RAB13: variants seen among roughly 807,000 people sequenced by gnomAD.
The protein encoded by RAB13 is ras-related protein Rab-13.
Under a neutral mutation model 29.3 loss-of-function variants are expected in RAB13, and 15 were observed. The observed-to-expected ratio is 0.51, with a 90% CI of 0.34 to 0.79. The LOEUF is 0.79. Among genes scored for constraint, RAB13 ranks in the 30% least tolerant of loss-of-function variants. RAB13 has a pLI of 0.01. For synonymous variants in RAB13, 82 were observed against 93.8 expected (o/e 0.87, Z 0.73); for missense variants, 186 against 255.5 (o/e 0.73, Z 1.85).
At position 153,983,511 on chromosome 1, in the gene RAB13, C is replaced by A. The variant is rs762679129; in HGVS notation, c.246+10G>T. ...ATCCTTCATCCTTTGTTCAGACCCA[C>A]ACTTCATACCATGGCTCCACGGTAG... On this transcript the variant is annotated intron_variant, in intron 3 of 7. Transcript: ENST00000368575. 6.3e-7 allele frequency: 1 copy of A among 1,597,856 alleles called. No homozygotes were observed. The highest frequency in any genetic ancestry group is 1.1e-5 in the South Asian group (1 of 90,738).
Position 153,984,725 on chromosome 1 carries a change from C to T in RAB13, c.181G>A (p.Val61Ile), listed in dbSNP as rs147858556. The change falls in exon 2 of 8, where the codon GTC becomes ATC. Residue 61 changes from valine (V) to isoleucine (I), a missense_variant. Val to Ile is a conservative substitution (Grantham distance 29). Transcript: ENST00000368575. ...DIEGKKIKLQ[V>I]WDTAGQERFK... Reference sequence around the variant, plus strand: ...CATCCCAGAGGACTGACTTACCAGACTTGTAGTTTGATCTTCTTCCCCTCT... The same window carrying T: ...CATCCCAGAGGACTGACTTACCAGATTTGTAGTTTGATCTTCTTCCCCTCT... 1.6e-5 allele frequency: 26 copies of T among 1,613,202 alleles called. No individual in the cohort carries two copies. The African/African-American group carries it at 3.3e-4, about 21-fold the overall frequency.
At chr1:153,984,177 C>CAA (rs751964337) in intron 2 of RAB13, among the ~76,000 whole-genome samples, 103 of 73,714 alleles carry the variant, frequency 1.4e-3, no homozygotes, top group Middle Eastern at 6.4e-3. Context: ...AACTCTGTCT[C>CAA]AAAAAAAAAA....
upstream of RAB13, among the ~76,000 whole-genome samples, chr1:153,989,310 C>T (rs1261148045): frequency 6.7e-6 from 1 of 148,732 alleles, no homozygotes; most frequent in East Asian, 2.0e-4. Flanking sequence ...AGTGCAGCGG[C>T]GCGATCTCCG....
chr1:153,989,242 T>G (rs544144913), upstream of RAB13, among the ~76,000 whole-genome samples: 43 of 136,630 alleles, frequency 3.1e-4, no homozygotes, highest in African/African-American at 9.2e-4. Context: ...AAGAAAAAAT[T>G]ATTATTATTA....
chr1:153,982,564 T>C lies in RAB13; in HGVS notation c.451A>G (p.Ser151Gly). Residue 151 changes from serine (S) to glycine (G), a missense_variant, in exon 6 of 8, where the codon AGT (serine) becomes GGT (glycine). Ser to Gly is a moderately conservative substitution (Grantham distance 56). Transcript: ENST00000368575. ...TCCACATTCATACTGGATTTAGCAC[T>C]AGTTTCGAAAAATCGGATTCCATGC... ...REHGIRFFET[S>G]AKSSMNVDEA... 3 of 1,613,804 alleles carry C rather than the reference T, an allele frequency of 1.9e-6. No individual in the cohort carries two copies. Among genetic ancestry groups the C allele is most frequent in the South Asian group, 1.1e-5 (1 of 91,066 alleles).
In RAB13 at chr1:153,982,158, G is replaced by T; in HGVS notation, c.553C>A (p.Pro185Thr). 6.2e-7 allele frequency: 1 copy of T among 1,614,046 alleles called. No homozygotes were observed. The highest frequency in any genetic ancestry group is 8.5e-7 in the Non-Finnish European group (1 of 1,180,004). Residue 185 changes from proline to threonine, a missense_variant, in exon 8 of 8, where the codon CCC (proline) becomes ACC (threonine). Physicochemically the swap from Pro to Thr is conservative, Grantham distance 38 (BLOSUM62 -1). Coordinates refer to ENST00000368575, the MANE Select transcript of RAB13 (RefSeq NM_002870.5). The part of the protein sequence containing the change: ...GRRSGNGNKP[P>T]STDLKTCDKK... ...TCACAAGTTTTCAGGTCAGTACTGG[G>T]AGGCTTGTTGCCGTTTCCCTAGAGG...
In RAB13 at chr1:153,982,377, C is replaced by A. The variant is rs1355717768; in HGVS notation, c.534+14G>T. 1 of 1,609,074 alleles carries A rather than the reference C, an allele frequency of 6.2e-7. No homozygotes were observed. Among genetic ancestry groups the A allele is most frequent in the Non-Finnish European group, 8.5e-7 (1 of 1,175,980 alleles). ...CACCCCAGAGTTGTACCTAGTCCAG[C>A]AAAACCAACTTACTGATCTCCGGCC... On this transcript the variant is annotated intron_variant, in intron 7 of 7. Coordinates refer to ENST00000368575, the MANE Select transcript of RAB13 (RefSeq NM_002870.5).
upstream of RAB13, among the ~76,000 whole-genome samples, chr1:153,986,568 C>A (rs1295072604): frequency 1.3e-5 from 2 of 152,116 alleles, no homozygotes; most frequent in Admixed American, 1.3e-4. Flanking sequence ...CATTCTGAGG[C>A]CAGAGAGGCT....
upstream of RAB13, chr1:153,986,349 T>C: frequency 1.2e-6 from 1 of 846,412 alleles, no homozygotes; most frequent in Non-Finnish European, 1.8e-6. Context: ...GAAGTTTTCC[T>C]CCCTCTCCGC....
chr1:153,982,340 T>A, intron 7 of RAB13, 51 bp downstream of exon 7: 31 of 1,369,916 alleles, frequency 2.3e-5, no homozygotes, highest in African/African-American at 5.2e-5. Context: ...CACACATACA[T>A]ACACACACAC....
chr1:153,982,300 C>A, intron 7 of RAB13, 91 bp downstream of exon 7: 1 of 1,456,918 alleles, frequency 6.9e-7, no homozygotes, highest in Non-Finnish European at 9.5e-7. Context: ...TTTATCAACA[C>A]CAACACACAC....
chr1:153,983,673 A>G, intron 2 of RAB13, 92 bp from the exon 3 acceptor site: 1 of 1,148,502 alleles, frequency 8.7e-7, no homozygotes, highest in Non-Finnish European at 1.3e-6. Flanking sequence ...TAGCTTTTGT[A>G]ACATGGTGGG....
At chr1:153,989,170 G>C (rs1649274821), upstream of RAB13, among the ~76,000 whole-genome samples, 2 of 142,210 alleles carry the variant, frequency 1.4e-5, no homozygotes, top group African/African-American at 5.1e-5. Flanking sequence ...GACGTCACGT[G>C]ATCCGCCCGC....
upstream of RAB13, among the ~76,000 whole-genome samples, chr1:153,989,891 TA>T (rs1206645456): frequency 7.5e-5 from 11 of 147,150 alleles, no homozygotes; most frequent in Admixed American, 2.0e-4. Flanking sequence ...AAACTGTGTC[TA>T]AAAAAAAAAT....
In RAB13 at chr1:153,986,335, GGAA is replaced by G. The variant is rs1186279521; in HGVS notation, c.-102_-100del. 1.1e-5 allele frequency: 11 copies of G among 1,026,360 alleles called. No homozygotes were observed. The highest frequency in any genetic ancestry group is 4.5e-5 in the South Asian group (3 of 67,006). 63.6% of individuals were successfully genotyped at this position (1,026,360 alleles called of 1,614,324 possible). ...ACAGAGCGGCACGGAGCCCAGGCCA[GGAA>G]GAAGTTTTCCTCCCTCTCCGCCCAG... On this transcript the variant is annotated 5_prime_UTR_variant, in exon 1 of 8. Coordinates refer to ENST00000368575, the MANE Select transcript of RAB13 (RefSeq NM_002870.5).
chr1:153,990,042 C>G (rs1314845075), upstream of RAB13, among the ~76,000 whole-genome samples: 1 of 152,046 alleles, frequency 6.6e-6, no homozygotes, highest in Non-Finnish European at 1.5e-5. Context: ...TTGAGTCTTC[C>G]CTATTTCTTT....
chr1:153,982,955 G>T, intron 4 of RAB13, 147 bp from the exon 5 acceptor site: 1 of 821,730 alleles, frequency 1.2e-6, no homozygotes, highest in Non-Finnish European at 2.0e-6. Context: ...GAGAAAACCC[G>T]TCTCTACTAA....
At chr1:153,986,502 G>C (rs1194890864), upstream of RAB13, 2 of 477,440 alleles carry the variant, frequency 4.2e-6, no homozygotes, top group Non-Finnish European at 7.5e-6. Flanking sequence ...TGTCTCTCTC[G>C]CTATTTTCCA....
At chr1:153,987,527 A>AG (rs200985205), upstream of RAB13, among the ~76,000 whole-genome samples, 16,640 of 143,218 alleles carry the variant, frequency 0.12, 1,228 homozygotes, top group East Asian at 0.46. Flanking sequence ...AAAAAAAAAA[A>AG]AAAAGAAAGA....
Sources: gnomAD v4.1 joint callset for allele counts (sites outside exome capture counted in the v4.1 genomes callset) on GRCh38, gnomAD v4.1.1 for gene constraint, MANE v1.5 for transcripts, NCBI Gene and HGNC (gene_info 2026-07-23, HGNC 2026-07-21) for gene names.